NKAIN3: variants seen among roughly 807,000 people sequenced by gnomAD.
The protein encoded by NKAIN3 is sodium/potassium transporting ATPase interacting 3.
Under a neutral mutation model 30.2 loss-of-function variants are expected in NKAIN3, and 25 were observed. The ratio of observed to expected loss-of-function variants is 0.83; its 90% confidence interval spans 0.60 to 1.16. The LOEUF (loss-of-function observed/expected upper bound fraction) is 1.16, where lower values mean the gene tolerates loss of function less well. Among genes scored for constraint, NKAIN3 ranks in the 50% most tolerant of loss-of-function variants. The pLI is 0.00. For missense variants in NKAIN3, 225 were observed against 254.1 expected (o/e 0.89, Z 0.78); for synonymous variants, 91 against 89.6 (o/e 1.02, Z -0.09).
At chr8:62,731,535 C>A (rs960552903) in intron 3 of NKAIN3, among the ~76,000 whole-genome samples, 2 of 152,076 alleles carry the variant, frequency 1.3e-5, no homozygotes, top group African/African-American at 4.8e-5. Context: ...CTTGACAAAG[C>A]CAATGTGACC....
chr8:62,877,886 C>A (rs1316449356), intron 4 of NKAIN3, among the ~76,000 whole-genome samples: 1 of 151,808 alleles, frequency 6.6e-6, no homozygotes, highest in Non-Finnish European at 1.5e-5. Flanking sequence ...ACTAAAAATG[C>A]AAAATTAGCC....
chr8:62,251,184 G>A (rs887367334), intron 1 of NKAIN3, among the ~76,000 whole-genome samples: 3 of 152,116 alleles, frequency 2.0e-5, no homozygotes, highest in Non-Finnish European at 4.4e-5. Context: ...TGCAGGTGAG[G>A]AAGTTGATAT....
chr8:62,800,730 G>A (rs1269301952), intron 4 of NKAIN3, among the ~76,000 whole-genome samples: 2 of 152,176 alleles, frequency 1.3e-5, no homozygotes, highest in East Asian at 1.9e-4. Context: ...TGAGGTACCG[G>A]GTTCATCTCA....
chr8:62,366,704 C>G (rs974485648), intron 1 of NKAIN3, among the ~76,000 whole-genome samples: 2 of 152,086 alleles, frequency 1.3e-5, no homozygotes, highest in Admixed American at 6.5e-5. Context: ...TATCTCTGCT[C>G]TGATCTTTAT....
intron 4 of NKAIN3, among the ~76,000 whole-genome samples, chr8:62,838,874 A>G (rs1819446938): frequency 6.6e-6 from 1 of 152,168 alleles, no homozygotes; most frequent in Admixed American, 6.6e-5. Context: ...CTAATGGAAA[A>G]TAAAAGAGTG....
Position 62,464,118 on chromosome 8 carries a change from ATTG to A in NKAIN3, c.55-115418_55-115416del, listed in dbSNP as rs754098177. 8.5e-5 allele frequency among the ~76,000 whole-genome samples: 13 copies of A among 152,318 alleles called. No individual in the cohort carries two copies. The East Asian group carries it at 1.9e-3, about 23-fold the overall frequency. On this transcript the variant is annotated intron_variant, in intron 1 of 6. Coordinates refer to ENST00000623646, the MANE Select transcript of NKAIN3 (RefSeq NM_001304533.3). ...TTTAGTTCGACAAATGTACCTTGAT[ATTG>A]TTAAGATGTTAACAATGGAGGAAAC...
intron 1 of NKAIN3, among the ~76,000 whole-genome samples, chr8:62,382,961 A>G (rs1319246941): frequency 6.6e-6 from 1 of 152,118 alleles, no homozygotes; most frequent in Non-Finnish European, 1.5e-5. Flanking sequence ...GACTTTCACG[A>G]TGTTCTTTCA....
chr8:62,623,691 GT>G (rs1554555566), intron 3 of NKAIN3, among the ~76,000 whole-genome samples: 2 of 151,966 alleles, frequency 1.3e-5, no homozygotes, highest in Non-Finnish European at 2.9e-5. Context: ...CTGAATTTTT[GT>G]TTGTATAAGA....
intron 4 of NKAIN3, among the ~76,000 whole-genome samples, chr8:62,749,843 C>T (rs1306963380): frequency 6.6e-6 from 1 of 151,694 alleles, no homozygotes; most frequent in African/African-American, 2.4e-5. Context: ...CCGCCACGTC[C>T]AGCTAATTTT....
At chr8:62,762,592 G>C (rs1816701652) in intron 4 of NKAIN3, among the ~76,000 whole-genome samples, 1 of 152,178 alleles carries the variant, frequency 6.6e-6, no homozygotes, top group Non-Finnish European at 1.5e-5. Flanking sequence ...AACTACTCAA[G>C]AGAATGGATT....
At chr8:62,547,956 T>C (rs1435889445) in intron 1 of NKAIN3, among the ~76,000 whole-genome samples, 1 of 152,190 alleles carries the variant, frequency 6.6e-6, no homozygotes, top group African/African-American at 2.4e-5. Flanking sequence ...AGCTCCCAGG[T>C]GATACTGATG....
At chr8:62,429,546 C>G (rs1804929296) in intron 1 of NKAIN3, among the ~76,000 whole-genome samples, 1 of 151,748 alleles carries the variant, frequency 6.6e-6, no homozygotes, top group Non-Finnish European at 1.5e-5. Context: ...TGATATTGGC[C>G]TATAGTTTTA....
intron 1 of NKAIN3, among the ~76,000 whole-genome samples, chr8:62,476,122 G>T (rs1178487970): frequency 2.6e-5 from 4 of 152,212 alleles, no homozygotes; most frequent in African/African-American, 9.7e-5. Context: ...GATGAGGGTT[G>T]TACTAGGATG....
chr8:62,864,314 A>G, intron 4 of NKAIN3: 6 of 1,463,428 alleles, frequency 4.1e-6, no homozygotes, highest in Non-Finnish European at 5.6e-6. Flanking sequence ...GAAGACCCTG[A>G]GAAAGAAAAC....
intron 3 of NKAIN3, among the ~76,000 whole-genome samples, chr8:62,625,981 C>T (rs577865218): frequency 1.2e-4 from 18 of 152,076 alleles, no homozygotes; most frequent in Middle Eastern, 3.4e-3. Flanking sequence ...AAAACTGAGG[C>T]GTCGAGGAAA....
At chr8:62,672,625 A>G (rs1813340908) in intron 3 of NKAIN3, among the ~76,000 whole-genome samples, 1 of 152,216 alleles carries the variant, frequency 6.6e-6, no homozygotes, top group South Asian at 2.1e-4. Context: ...TGAGTGGATG[A>G]GTCCTTGATC....
intron 3 of NKAIN3, among the ~76,000 whole-genome samples, chr8:62,707,797 G>A (rs376407418): frequency 6.6e-6 from 1 of 151,952 alleles, no homozygotes; most frequent in African/African-American, 2.4e-5. Context: ...TGAAATCCTC[G>A]CCAAAGCCAA....
In NKAIN3 at chr8:62,973,861, C is replaced by A. The variant is rs2130916573; in HGVS notation, c.*8454C>A. Among the ~76,000 whole-genome samples the A allele has an allele frequency of 1.3e-5, 2 of 152,186 alleles. No homozygotes were observed. Among genetic ancestry groups the A allele is most frequent in the Middle Eastern group, 6.8e-3 (2 of 294 alleles). On this transcript the variant is annotated 3_prime_UTR_variant, in exon 7 of 7. Transcript: ENST00000623646. Reference sequence around the variant, plus strand: ...TTTGTACAAGATGTAAGGAAGGGGTCCAGTTTCAGTTTTCTGCGTATGGCT... The same window carrying A: ...TTTGTACAAGATGTAAGGAAGGGGTACAGTTTCAGTTTTCTGCGTATGGCT...
chr8:62,767,196 A>G (rs536221837), intron 4 of NKAIN3, among the ~76,000 whole-genome samples: 1 of 152,288 alleles, frequency 6.6e-6, no homozygotes, highest in Non-Finnish European at 1.5e-5. Context: ...CAGGCTCTGG[A>G]TTGGACATGA....
Sources: allele counts gnomAD v4.1 joint callset (sites outside exome capture counted in the v4.1 genomes callset), GRCh38; gene constraint gnomAD v4.1.1; transcripts MANE v1.5; gene names NCBI Gene and HGNC (gene_info 2026-07-23, HGNC 2026-07-21).